Variants in UBE2V1 observed in about 807,000 individuals in gnomAD.
The protein encoded by UBE2V1 is ubiquitin-conjugating enzyme E2 variant 1.
UBE2V1 carries 15 observed loss-of-function variants against 19.6 expected under a neutral mutation model. The ratio of observed to expected loss-of-function variants is 0.77; its 90% CI spans 0.51 to 1.18. The LOEUF (loss-of-function observed/expected upper bound fraction) is 1.18, where lower values mean the gene tolerates loss of function less well. Ranked by LOEUF, UBE2V1 falls within the 50% of genes most tolerant of loss-of-function variation. UBE2V1 has a pLI of 0.00. For missense variants in UBE2V1, 125 were observed against 184.8 expected (o/e 0.68, Z 1.88); for synonymous variants, 60 against 60.7 (o/e 0.99, Z 0.05).
upstream of UBE2V1, among the ~76,000 whole-genome samples, chr20:50,113,575 C>G (rs139025804): frequency 1.5e-3 from 234 of 152,280 alleles, 1 homozygote; most frequent in African/African-American, 5.4e-3. Flanking sequence ...TATCTAAACT[C>G]AGCTGTTAAG....
chr20:50,098,928 G>A (rs1353081352), intron 1 of UBE2V1: 2 of 985,246 alleles, frequency 2.0e-6, no homozygotes, highest in Non-Finnish European at 1.2e-6. Flanking sequence ...CTGCACAGCA[G>A]CCAACTGGAT....
chr20:50,083,178 C>T (rs1459679877), intron 3 of UBE2V1, among the ~76,000 whole-genome samples: 8 of 152,216 alleles, frequency 5.3e-5, no homozygotes, highest in Admixed American at 1.3e-4. Context: ...TCAACCCAGC[C>T]CTACTTGGCT....
Position 50,104,513 on chromosome 20 carries a change from C to T in UBE2V1, c.23-7693G>A, listed in dbSNP as rs1342784863. ...TCTACTAAAAATACAAAAAATTAGC[C>T]GGGCAAGGTGGCGGCTGCCTGTAGT... On this transcript the variant is annotated intron_variant, in intron 1 of 3. Transcript: ENST00000371674. 6.4e-4 allele frequency: 166 copies of T among 259,320 alleles called. 1 individual carries two copies. Among genetic ancestry groups the T allele is most frequent in the African/African-American group, 3.5e-3 (152 of 42,882 alleles). 16.1% of individuals were successfully genotyped at this position (259,320 alleles called of 1,614,324 possible).
At chr20:50,108,427 C>G (rs1184024195) in intron 1 of UBE2V1, among the ~76,000 whole-genome samples, 1 of 152,196 alleles carries the variant, frequency 6.6e-6, no homozygotes, top group Non-Finnish European at 1.5e-5. Context: ...GCTGAAGATG[C>G]TTGCGAGGCC....
intron 1 of UBE2V1, among the ~76,000 whole-genome samples, chr20:50,109,761 A>G (rs1416146558): frequency 2.0e-5 from 3 of 151,912 alleles, no homozygotes; most frequent in African/African-American, 7.2e-5. Context: ...AAAAAAAAAA[A>G]AAAAAAAGCT....
At chr20:50,114,597 C>G (rs2080952109), upstream of UBE2V1, among the ~76,000 whole-genome samples, 1 of 152,140 alleles carries the variant, frequency 6.6e-6, no homozygotes, top group Non-Finnish European at 1.5e-5. Flanking sequence ...TATAATCTCA[C>G]CAGGACAAGT....
chr20:50,097,247 G>A (rs1224281136), intron 1 of UBE2V1, among the ~76,000 whole-genome samples: 1 of 152,146 alleles, frequency 6.6e-6, no homozygotes, highest in Admixed American at 6.6e-5. Context: ...ACAACCTTTA[G>A]GAGGAATAGT....
At chr20:50,099,237 T>C (rs2079831730) in intron 1 of UBE2V1, among the ~76,000 whole-genome samples, 1 of 152,176 alleles carries the variant, frequency 6.6e-6, no homozygotes, top group Non-Finnish European at 1.5e-5. Context: ...CCCTCAAATT[T>C]ATATACTTAA....
intron 1 of UBE2V1, among the ~76,000 whole-genome samples, chr20:50,102,795 G>A (rs1601100658): frequency 6.6e-6 from 1 of 152,178 alleles, no homozygotes; most frequent in Non-Finnish European, 1.5e-5. Flanking sequence ...TCACCTGGCC[G>A]AGAGAGCCCC....
intron 1 of UBE2V1, chr20:50,104,384 G>A (rs538703178): frequency 9.9e-5 from 97 of 984,268 alleles, no homozygotes; most frequent in East Asian, 3.4e-4. Flanking sequence ...CTGGCTGGGC[G>A]CGGTGGCTCA....
At chr20:50,102,828 T>C (rs2080092534) in intron 1 of UBE2V1, among the ~76,000 whole-genome samples, 1 of 152,220 alleles carries the variant, frequency 6.6e-6, no homozygotes, top group Non-Finnish European at 1.5e-5. Flanking sequence ...AACATCATTT[T>C]GTGCCACTCT....
chr20:50,094,010 A>T (rs2869953), intron 2 of UBE2V1, among the ~76,000 whole-genome samples: 8,684 of 91,502 alleles, frequency 0.095, 278 homozygotes, highest in African/African-American at 0.22. Context: ...AAAAAAAAAA[A>T]AATAATAATA....
At position 50,109,190 on chromosome 20, in the gene UBE2V1, C is replaced by T. The variant is rs1034497060; in HGVS notation, c.22+3917G>A. Reference sequence around the variant, plus strand: ...CTCTAAAGCACTATCCACAATACAACAGTAATAGTATTCAAACATTTACTT... The same window carrying T: ...CTCTAAAGCACTATCCACAATACAATAGTAATAGTATTCAAACATTTACTT... On this transcript the variant is annotated intron_variant, in intron 1 of 3. Transcript: ENST00000371674. 4 of 946,036 alleles carry T rather than the reference C, an allele frequency of 4.2e-6. No homozygotes were observed. In the African/African-American group the frequency reaches 7.1e-5, roughly 17 times the overall value. The allele number at this position is 946,036 out of a possible 1,614,324, so 58.6% of individuals were successfully genotyped here.
rs126907 is a variant in UBE2V1 at position 50,113,140 on chromosome 20, C to G, written c.-12G>C. On this transcript the variant is annotated 5_prime_UTR_variant, in exon 1 of 4. Transcript: ENST00000371674. The stretch of plus-strand genomic sequence containing the variant: ...GTGGTGGCTGCCATCTTGCGTCGCT[C>G]TTGCTTGAAGGCCGGCCCCTTCTTC... 1,222,502 of 1,342,344 alleles carry G rather than the reference C, an allele frequency of 0.91. 557,492 individuals carry two copies. Among genetic ancestry groups the G allele is most frequent in the East Asian group, 0.99 (33,385 of 33,584 alleles). 83.2% of individuals were successfully genotyped at this position (1,342,344 alleles called of 1,614,324 possible).
At chr20:50,099,470 T>TG (rs1372117666) in intron 1 of UBE2V1, among the ~76,000 whole-genome samples, 3 of 152,246 alleles carry the variant, frequency 2.0e-5, no homozygotes, top group African/African-American at 7.2e-5. Context: ...CTGTTATCTC[T>TG]GGGTAAAAGA....
chr20:50,089,158 C>T (rs1015068481), intron 2 of UBE2V1, among the ~76,000 whole-genome samples: 19 of 151,886 alleles, frequency 1.3e-4, no homozygotes, highest in Admixed American at 3.3e-4. Flanking sequence ...GATGTAATAA[C>T]GAAATGAAGC....
At chr20:50,115,715 A>C, upstream of UBE2V1, 1 of 1,049,074 alleles carries the variant, frequency 9.5e-7, no homozygotes, top group Non-Finnish European at 1.2e-6. Context: ...GTTACATCCA[A>C]CTTTTAATCC....
chr20:50,082,638 T>C lies in UBE2V1; in HGVS notation c.*130A>G. 6.9e-7 allele frequency: 1 copy of C among 1,449,970 alleles called. No individual in the cohort carries two copies. The highest frequency in any genetic ancestry group is 9.1e-7 in the Non-Finnish European group (1 of 1,100,628). 89.8% of individuals were successfully genotyped at this position (1,449,970 alleles called of 1,614,324 possible). A position where few individuals can be genotyped will look rare whatever the true frequency, so the allele number is the denominator to read the frequency against. ...ACAGTATCTTAAGATAAATTTCCTTTGAATGGGAGCTTCCTTTCCGGTACT... is the reference window on the plus strand; with the variant it reads ...ACAGTATCTTAAGATAAATTTCCTTCGAATGGGAGCTTCCTTTCCGGTACT... On this transcript the variant is annotated 3_prime_UTR_variant, in exon 4 of 4. Transcript: ENST00000371674.
chr20:50,103,502 T>C (rs1169477453), intron 1 of UBE2V1, among the ~76,000 whole-genome samples: 2 of 152,166 alleles, frequency 1.3e-5, no homozygotes, highest in African/African-American at 4.8e-5. Context: ...GTCTCCTGTG[T>C]TGAAGTGTTT....
Sources: allele counts gnomAD v4.1 joint callset (sites outside exome capture counted in the v4.1 genomes callset), GRCh38; gene constraint gnomAD v4.1.1; transcripts MANE v1.5; gene names NCBI Gene and HGNC (gene_info 2026-07-23, HGNC 2026-07-21).